CNTN4: variants seen among roughly 807,000 people sequenced by gnomAD.
CNTN4 encodes contactin 4.
A neutral mutation model predicts 122.5 loss-of-function variants in CNTN4; 77 were observed. That is an observed-to-expected ratio of 0.63 (90% CI 0.52 to 0.76). The LOEUF is 0.76. Ranked by LOEUF, CNTN4 falls within the 30% of genes least tolerant of loss-of-function variation. The probability of loss-of-function intolerance (pLI) is 0.00; values close to 1 mark genes in which losing one functional copy is unlikely to be tolerated. For synonymous variants in CNTN4, 512 were observed against 447.0 expected (o/e 1.15, Z -1.83); for missense variants, 1,256 against 1,259.1 (o/e 1.00, Z 0.04).
rs1186087020 is a variant in CNTN4 at position 2,999,697 on chromosome 3, T to C, written c.1486+11225T>C. Among the ~76,000 whole-genome samples, 3 of 152,170 alleles carry C rather than the reference T, an allele frequency of 2.0e-5. No individual in the cohort carries two copies. The East Asian group carries it at 5.8e-4, about 29-fold the overall frequency. ...AGACAAACTCCCCACACGAAGGTCT[T>C]TTATAATGACACCTAACCTCATTCA... On this transcript the variant is annotated intron_variant, in intron 14 of 24. Coordinates refer to ENST00000418658, the MANE Select transcript of CNTN4 (RefSeq NM_175607.3).
intron 4 of CNTN4, among the ~76,000 whole-genome samples, chr3:2,653,660 A>G (rs764448365): frequency 6.6e-6 from 1 of 152,134 alleles, no homozygotes; most frequent in Non-Finnish European, 1.5e-5. Flanking sequence ...AACCTTTGTT[A>G]GTCTCCCCAT....
intron 2 of CNTN4, among the ~76,000 whole-genome samples, chr3:2,250,595 C>G (rs1523319): frequency 0.21 from 31,850 of 151,804 alleles, 4,148 homozygotes; most frequent in Non-Finnish European, 0.29. Context: ...TTACCCTGAT[C>G]TGATCACATT....
chr3:2,827,669 G>T (rs944847937), intron 7 of CNTN4, among the ~76,000 whole-genome samples: 1 of 152,160 alleles, frequency 6.6e-6, no homozygotes, highest in African/African-American at 2.4e-5. Flanking sequence ...TGCTATTAAA[G>T]ACTTTACAGT....
chr3:2,916,774 CG>C (rs1420641281), intron 12 of CNTN4, among the ~76,000 whole-genome samples: 2 of 147,084 alleles, frequency 1.4e-5, no homozygotes, highest in South Asian at 2.1e-4. Flanking sequence ...CCAGTAGGGG[CG>C]GCCGGGCAGA....
At chr3:3,035,137 CT>C (rs1386319199) in intron 17 of CNTN4, among the ~76,000 whole-genome samples, 1 of 151,720 alleles carries the variant, frequency 6.6e-6, no homozygotes, top group African/African-American at 2.4e-5. Context: ...GCAAAACCCC[CT>C]CTCTACAAAA....
intron 2 of CNTN4, among the ~76,000 whole-genome samples, chr3:2,194,016 G>A (rs2037715832): frequency 6.6e-6 from 1 of 152,072 alleles, no homozygotes; most frequent in African/African-American, 2.4e-5. Context: ...AGTGATGTGT[G>A]ACTCTTTTCA....
intron 6 of CNTN4, among the ~76,000 whole-genome samples, chr3:2,798,292 T>C (rs2092253726): frequency 4.9e-5 from 1 of 20,220 alleles, no homozygotes; most frequent in African/African-American, 6.3e-5. Flanking sequence ...TGTGTGTGTG[T>C]GTATATATAT....
At chr3:2,542,217 G>A (rs1235515656) in intron 3 of CNTN4, among the ~76,000 whole-genome samples, 3 of 152,118 alleles carry the variant, frequency 2.0e-5, no homozygotes, top group South Asian at 4.1e-4. Flanking sequence ...GACTGACTGT[G>A]AAATAGCTGC....
intron 7 of CNTN4, among the ~76,000 whole-genome samples, chr3:2,826,688 A>G (rs543078821): frequency 1.3e-5 from 2 of 152,186 alleles, no homozygotes; most frequent in African/African-American, 4.8e-5. Flanking sequence ...AGTTAGACTC[A>G]CCCAGTTTCT....
intron 2 of CNTN4, among the ~76,000 whole-genome samples, chr3:2,271,080 G>T (rs778736926): frequency 6.6e-6 from 1 of 152,100 alleles, no homozygotes; most frequent in African/African-American, 2.4e-5. Flanking sequence ...GGTAGAAAAC[G>T]AAATATCATG....
intron 3 of CNTN4, among the ~76,000 whole-genome samples, chr3:2,528,665 A>G (rs1013466325): frequency 6.6e-6 from 1 of 152,158 alleles, no homozygotes; most frequent in Non-Finnish European, 1.5e-5. Flanking sequence ...AAAGCCCTGT[A>G]AGTATATTAC....
At chr3:2,239,777 A>G (rs538978100) in intron 2 of CNTN4, among the ~76,000 whole-genome samples, 18 of 152,320 alleles carry the variant, frequency 1.2e-4, no homozygotes, top group African/African-American at 3.8e-4. Flanking sequence ...ATAAAAGGGT[A>G]CAATTAATTT....
chr3:2,680,568 T>C (rs2150481763), intron 4 of CNTN4, among the ~76,000 whole-genome samples: 1 of 152,308 alleles, frequency 6.6e-6, no homozygotes, highest in East Asian at 1.9e-4. Context: ...TGCAATTCTT[T>C]ATATTCAAAA....
intron 13 of CNTN4, among the ~76,000 whole-genome samples, chr3:2,955,513 A>C (rs2124919442): frequency 6.6e-6 from 1 of 152,340 alleles, no homozygotes; most frequent in Non-Finnish European, 1.5e-5. Flanking sequence ...CAATTCCAGA[A>C]GGACAGAGTG....
chr3:2,953,073 G>T (rs544787685), intron 13 of CNTN4, among the ~76,000 whole-genome samples: 1 of 152,178 alleles, frequency 6.6e-6, no homozygotes, highest in Non-Finnish European at 1.5e-5. Context: ...GAATTCATCT[G>T]TAGGTTATTT....
intron 4 of CNTN4, among the ~76,000 whole-genome samples, chr3:2,630,728 G>A (rs951170296): frequency 4.1e-5 from 5 of 121,228 alleles, no homozygotes; most frequent in African/African-American, 1.3e-4. Context: ...GTGTGTGTGT[G>A]TGTACTATAT....
intron 12 of CNTN4, among the ~76,000 whole-genome samples, chr3:2,924,580 C>T (rs928349072): frequency 2.6e-5 from 4 of 152,050 alleles, no homozygotes; most frequent in South Asian, 2.1e-4. Context: ...TACTTTTGTG[C>T]GAATACAAAT....
chr3:2,107,740 C>CA (rs1172241131), intron 2 of CNTN4, among the ~76,000 whole-genome samples: 2 of 151,662 alleles, frequency 1.3e-5, no homozygotes, highest in African/African-American at 2.4e-5. Context: ...TTAGACCAAG[C>CA]AAAAAAGAGG....
At chr3:2,282,634 A>G (rs1297013424) in intron 2 of CNTN4, among the ~76,000 whole-genome samples, 3 of 152,180 alleles carry the variant, frequency 2.0e-5, no homozygotes, top group Non-Finnish European at 4.4e-5. Flanking sequence ...CTTGAATTGC[A>G]TTCAAAAAGA....
Sources: gnomAD v4.1 joint callset for allele counts (sites outside exome capture counted in the v4.1 genomes callset) on GRCh38, gnomAD v4.1.1 for gene constraint, MANE v1.5 for transcripts, NCBI Gene and HGNC (gene_info 2026-07-23, HGNC 2026-07-21) for gene names.